Variants in TMPRSS9 observed in about 807,000 individuals in gnomAD.
The protein encoded by TMPRSS9 is transmembrane protease serine 9.
A neutral mutation model predicts 111.4 loss-of-function variants in TMPRSS9; 113 were observed. The ratio of observed to expected loss-of-function variants is 1.01; its 90% CI spans 0.87 to 1.19. The LOEUF (loss-of-function observed/expected upper bound fraction) is 1.19, where lower values mean the gene tolerates loss of function less well. Ranked by LOEUF, TMPRSS9 falls within the 50% of genes most tolerant of loss-of-function variation. The probability of loss-of-function intolerance (pLI) is 0.00; values close to 1 mark genes in which losing one functional copy is unlikely to be tolerated. For missense variants in TMPRSS9, 1,803 were observed against 1,513.1 expected (o/e 1.19, Z -3.18); for synonymous variants, 805 against 659.1 (o/e 1.22, Z -3.39).
chr19:2,360,357 C>T (rs2145231196), exon 1 of TMPRSS9, among the ~76,000 whole-genome samples: 1 of 152,338 alleles, frequency 6.6e-6, no homozygotes, highest in Middle Eastern at 3.4e-3. Flanking sequence ...TTCCTCCAAC[C>T]CCGGTGAGTC....
intron 1 of TMPRSS9, 64 bp downstream of exon 2, chr19:2,389,991 T>C (rs1439327818): frequency 1.3e-6 from 2 of 1,557,976 alleles, no homozygotes; most frequent in Admixed American, 3.5e-5. Flanking sequence ...CACCGGGAAG[T>C]GACTTGATGG....
intron 17 of TMPRSS9, chr19:2,425,724 A>T: frequency 8.7e-7 from 1 of 1,145,770 alleles, no homozygotes; most frequent in Non-Finnish European, 1.2e-6. Context: ...CAGAGGCTGC[A>T]GTGGGAGGCA....
At chr19:2,384,669 G>A (rs1970436722) in intron 1 of TMPRSS9, among the ~76,000 whole-genome samples, 2 of 151,860 alleles carry the variant, frequency 1.3e-5, no homozygotes, top group Admixed American at 1.3e-4. Flanking sequence ...CAAAAAATTA[G>A]CCAGGCGTGG....
At chr19:2,426,106 A>G in exon 18 of TMPRSS9, 3 of 1,534,684 alleles carry the variant, frequency 2.0e-6, no homozygotes, top group Non-Finnish European at 2.6e-6. Flanking sequence ...GTGACTGCCC[A>G]GGCCGAGACT....
chr19:2,409,427 C>T (rs1427235895), intron 8 of TMPRSS9, among the ~76,000 whole-genome samples: 2 of 152,014 alleles, frequency 1.3e-5, no homozygotes, highest in Admixed American at 1.3e-4. Flanking sequence ...CAGGTGTGAG[C>T]CACCTCACCC....
rs1202924652 is a variant in TMPRSS9, at chr19:2,422,011, C to T, written c.2312C>T (p.Ser771Phe). ...GGCTGGATCCTGGAGATCATGTCCT[C>T]CCAGCCCCTTCCCATGTCTCCCCCC... is the stretch of plus-strand genomic sequence containing the variant. Residue 771 changes from serine (S) to phenylalanine (F), a missense_variant, in exon 14 of 18, where the codon TCC becomes TTC. Physicochemically the swap from Ser to Phe is radical, Grantham distance 155. Coordinates refer to ENST00000648592, the Ensembl canonical transcript of TMPRSS9. 6 of 1,612,928 alleles carry T rather than the reference C, an allele frequency of 3.7e-6. No individual in the cohort carries two copies. In the East Asian group the frequency reaches 1.1e-4, roughly 30 times the overall value.
rs561740190 is a variant in TMPRSS9 at position 2,424,926 on chromosome 19, C to T, written c.2718-76C>T. On this transcript the variant is annotated intron_variant, in intron 15 of 17. Transcript: ENST00000648592. ...AACCCTGCCCAGGGTGCCAGCCGGC[C>T]GCTGGGGGACACCACAGGGGCGGGG... The T allele has an allele frequency of 1.7e-5, 23 of 1,360,704 alleles. No homozygotes were observed. The Admixed American group carries it at 4.8e-4, about 28-fold the overall frequency. The allele number at this position is 1,360,704 out of a possible 1,614,324, so 84.3% of individuals were successfully genotyped here. A position where few individuals can be genotyped will look rare whatever the true frequency, so the allele number is the denominator to read the frequency against.
At chr19:2,389,506 T>C (rs1205376217), upstream of TMPRSS9, among the ~76,000 whole-genome samples, 5 of 151,618 alleles carry the variant, frequency 3.3e-5, no homozygotes, top group African/African-American at 7.3e-5. Flanking sequence ...GGTAGCTGGA[T>C]TACAGGTGTG....
chr19:2,378,337 A>C (rs945041439), intron 1 of TMPRSS9, among the ~76,000 whole-genome samples: 4 of 152,174 alleles, frequency 2.6e-5, no homozygotes, highest in African/African-American at 9.7e-5. Flanking sequence ...TTCAGTGCTG[A>C]ACAGGGACAG....
At chr19:2,425,703 G>A (rs1971606438) in intron 17 of TMPRSS9, 3 of 1,165,262 alleles carry the variant, frequency 2.6e-6, no homozygotes, top group Non-Finnish European at 3.4e-6. Flanking sequence ...GGGCCTCGGC[G>A]GCAGAGCAGG....
chr19:2,410,190 C>T (rs1292908804), intron 8 of TMPRSS9, 68 bp from the exon 10 acceptor site: 4 of 1,592,696 alleles, frequency 2.5e-6, no homozygotes, highest in Non-Finnish European at 3.4e-6. Context: ...GTCCTTCAGC[C>T]TCCCAGCTCA....
At chr19:2,363,554 C>T (rs1050162371) in intron 1 of TMPRSS9, among the ~76,000 whole-genome samples, 3 of 151,400 alleles carry the variant, frequency 2.0e-5, no homozygotes, top group Non-Finnish European at 2.9e-5. Context: ...AGTGAGGTCG[C>T]GTGATTCCCC....
intron 1 of TMPRSS9, among the ~76,000 whole-genome samples, chr19:2,393,100 G>A (rs1173355997): frequency 6.6e-6 from 1 of 152,194 alleles, no homozygotes; most frequent in African/African-American, 2.4e-5. Flanking sequence ...TCAGGAGGAT[G>A]TGGGTGGGGC....
intron 1 of TMPRSS9, among the ~76,000 whole-genome samples, chr19:2,360,755 G>A (rs531016342): frequency 6.6e-6 from 1 of 151,474 alleles, no homozygotes; most frequent in African/African-American, 2.4e-5. Flanking sequence ...GGATGCGGCC[G>A]GGGTTGTGTG....
chr19:2,414,743 T>G (rs186862576), intron 10 of TMPRSS9, among the ~76,000 whole-genome samples: 1 of 150,660 alleles, frequency 6.6e-6, no homozygotes, highest in Non-Finnish European at 1.5e-5. Flanking sequence ...GGAGGGCACC[T>G]GTAATCCCAG....
intron 1 of TMPRSS9, among the ~76,000 whole-genome samples, chr19:2,382,487 A>G (rs192019424): frequency 6.6e-6 from 1 of 152,310 alleles, no homozygotes; most frequent in East Asian, 1.9e-4. Flanking sequence ...CAAGAGAGAC[A>G]TACTTATACT....
chr19:2,390,223 C>A (rs1422083250), intron 1 of TMPRSS9, among the ~76,000 whole-genome samples: 1 of 150,056 alleles, frequency 6.7e-6, no homozygotes, highest in Non-Finnish European at 1.5e-5. Flanking sequence ...AGCAAAATAC[C>A]CAAAGTAGTT....
intron 13 of TMPRSS9, among the ~76,000 whole-genome samples, chr19:2,418,351 CTCCCTCCCTCCCTTCCCT>C (rs1436740188): frequency 1.2e-4 from 3 of 24,782 alleles, no homozygotes; most frequent in Non-Finnish European, 2.1e-4. Flanking sequence ...CTCCCTTTCC[CTCCCTCCCTCCCTTCCCT>C]TCCCTCCCTC....
intron 1 of TMPRSS9, among the ~76,000 whole-genome samples, chr19:2,375,194 C>T (rs527350430): frequency 2.6e-5 from 4 of 152,350 alleles, no homozygotes; most frequent in Admixed American, 2.0e-4. Flanking sequence ...GGGAAGAAGG[C>T]GTCTCCGTCC....
Sources: gnomAD v4.1 joint callset for allele counts (sites outside exome capture counted in the v4.1 genomes callset) on GRCh38, gnomAD v4.1.1 for gene constraint, MANE v1.5 for transcripts, NCBI Gene and HGNC (gene_info 2026-07-23, HGNC 2026-07-21) for gene names.